The following MAST2 variants were observed in gnomAD, a reference collection of about 807,000 sequenced individuals.
MAST2 encodes the protein microtubule-associated serine/threonine-protein kinase 2.
Under a neutral mutation model 147.4 loss-of-function variants are expected in MAST2, and 70 were observed. The observed-to-expected ratio is 0.47, with a 90% CI of 0.39 to 0.58. The LOEUF (loss-of-function observed/expected upper bound fraction) is 0.58, where lower values mean the gene tolerates loss of function less well. Ranked by LOEUF, MAST2 falls within the 20% of genes least tolerant of loss-of-function variation. The pLI is 0.00. For missense variants in MAST2, 2,080 were observed against 2,302.3 expected (o/e 0.90, Z 1.98); for synonymous variants, 869 against 896.8 (o/e 0.97, Z 0.55).
At chr1:45,914,535 T>C (rs6695421) in intron 4 of MAST2, among the ~76,000 whole-genome samples, 51,698 of 152,016 alleles carry the variant, frequency 0.34, 9,204 homozygotes, top group African/African-American at 0.44. Context: ...GACCTAGAAT[T>C]CATTTCACCT....
intron 4 of MAST2, among the ~76,000 whole-genome samples, chr1:45,939,556 C>G (rs961396542): frequency 6.7e-6 from 1 of 149,800 alleles, no homozygotes. Flanking sequence ...GGGGTGGGGT[C>G]GCAGGGGACA....
intron 4 of MAST2, among the ~76,000 whole-genome samples, chr1:45,929,017 G>T (rs991926326): frequency 6.6e-6 from 1 of 152,040 alleles, no homozygotes; most frequent in African/African-American, 2.4e-5. Flanking sequence ...GGTTGAGGGG[G>T]TGGGAAGAAT....
intron 1 of MAST2, among the ~76,000 whole-genome samples, chr1:45,822,589 T>C (rs1240789289): frequency 3.3e-5 from 5 of 152,190 alleles, no homozygotes; most frequent in Admixed American, 6.5e-5. Flanking sequence ...GTAGCAGGCA[T>C]CCAAATGCTG....
intron 10 of MAST2, among the ~76,000 whole-genome samples, chr1:46,018,282 C>T (rs2149272351): frequency 6.6e-6 from 1 of 152,320 alleles, no homozygotes; most frequent in South Asian, 2.1e-4. Context: ...CAGTTGTCAT[C>T]TCTACGCTGA....
chr1:45,833,892 T>TA (rs1412803580), intron 3 of MAST2, among the ~76,000 whole-genome samples: 1 of 152,020 alleles, frequency 6.6e-6, no homozygotes, highest in Non-Finnish European at 1.5e-5. Flanking sequence ...CTGAGCTACT[T>TA]ATTTACCTAC....
At chr1:45,895,911 A>G (rs1648655736) in intron 4 of MAST2, among the ~76,000 whole-genome samples, 1 of 152,188 alleles carries the variant, frequency 6.6e-6, no homozygotes, top group African/African-American at 2.4e-5. Flanking sequence ...AAATTATTAA[A>G]ATATTTACAC....
At chr1:45,904,595 A>G (rs1256970916) in intron 4 of MAST2, among the ~76,000 whole-genome samples, 1 of 151,970 alleles carries the variant, frequency 6.6e-6, no homozygotes, top group Non-Finnish European at 1.5e-5. Flanking sequence ...CCCCCCAAGT[A>G]GCTGGGACTA....
At position 46,029,684 on chromosome 1, in the gene MAST2, C is replaced by T. The variant is rs976651008; in HGVS notation, c.2320+117C>T. On this transcript the variant is annotated intron_variant, in intron 19 of 28. Transcript: ENST00000361297. ...GGCAGCCCCTCTGGATCCTGAAACT[C>T]TGCCCTGCTCTGTAGGCAGAAAAGG... 1.5e-5 allele frequency: 20 copies of T among 1,356,050 alleles called. No individual in the cohort carries two copies. In the South Asian group the frequency reaches 2.2e-4, roughly 15 times the overall value. The allele number at this position is 1,356,050 out of a possible 1,614,324, so 84.0% of individuals were successfully genotyped here.
At chr1:45,810,810 C>CAA (rs909997197) in intron 1 of MAST2, among the ~76,000 whole-genome samples, 9 of 35,504 alleles carry the variant, frequency 2.5e-4, no homozygotes, top group Admixed American at 5.8e-4. Context: ...GACTCCATCT[C>CAA]AAAAAAAAAA....
chr1:45,928,567 CTTT>C, intron 4 of MAST2, among the ~76,000 whole-genome samples: 1 of 143,756 alleles, frequency 7.0e-6, no homozygotes, highest in South Asian at 2.2e-4. Flanking sequence ...ATCACTCTTT[CTTT>C]TTTTTTTTTT....
chr1:46,032,561 G>C, intron 25 of MAST2, 35 bp from the exon 26 acceptor site: 5 of 1,609,886 alleles, frequency 3.1e-6, no homozygotes, highest in African/African-American at 1.3e-5. Flanking sequence ...TCGTGTTCAG[G>C]CTCCAGTCTG....
At chr1:45,952,108 C>G (rs1659012331) in intron 4 of MAST2, among the ~76,000 whole-genome samples, 1 of 152,174 alleles carries the variant, frequency 6.6e-6, no homozygotes, top group African/African-American at 2.4e-5. Context: ...TATGTTCATG[C>G]AAAAACTTGT....
At chr1:45,847,419 G>T (rs1015960298) in intron 3 of MAST2, 2 of 547,692 alleles carry the variant, frequency 3.7e-6, no homozygotes, top group Non-Finnish European at 7.0e-6. Flanking sequence ...TTTTTGGGGG[G>T]GATCAAGATG....
chr1:45,929,293 G>C (rs1221098698), intron 4 of MAST2, among the ~76,000 whole-genome samples: 1 of 152,058 alleles, frequency 6.6e-6, no homozygotes, highest in Non-Finnish European at 1.5e-5. Flanking sequence ...TGAGTCTTCA[G>C]CCTAAAGCCT....
rs142024485 is a variant in MAST2 at position 45,889,686 on chromosome 1, A to G, written c.500+7291A>G. ...AGTGACGCAATCTTGGCTCACTGCA[A>G]CCTCCACCTCCTGGGTTCAAGCAAT... On this transcript the variant is annotated intron_variant, in intron 4 of 28. Coordinates refer to ENST00000361297, the MANE Select transcript of MAST2 (RefSeq NM_015112.3). Among the ~76,000 whole-genome samples the G allele has an allele frequency of 3.6e-3, 541 of 150,218 alleles. 5 individuals are homozygous for G. Among genetic ancestry groups the G allele is most frequent in the East Asian group, 0.035 (173 of 4,998 alleles).
At chr1:45,972,390 G>T (rs1239684863) in intron 5 of MAST2, among the ~76,000 whole-genome samples, 1 of 152,200 alleles carries the variant, frequency 6.6e-6, no homozygotes. Context: ...CCCAGAAGAG[G>T]GGAAAAGTTT....
In MAST2 at chr1:46,034,084, G is replaced by A. The variant is rs536251480; in HGVS notation, c.3686G>A (p.Ser1229Asn). ...CCTTATCCCCGCAGCAGAAAAAGGAGCTCCCTGTTCCGCAAGATCACCAAG... is the reference window on the plus strand; with the variant it reads ...CCTTATCCCCGCAGCAGAAAAAGGAACTCCCTGTTCCGCAAGATCACCAAG... The part of the protein sequence containing the change: ...GKDGQESRKR[S>N]SLFRKITKQA... The change falls in exon 28 of 29, where the codon AGC becomes AAC. Residue 1229 changes from serine to asparagine, a missense_variant. Ser to Asn is a conservative substitution (Grantham distance 46). This residue lies in a region of MAST2 where 1,278 missense variants were observed against 1,304.2 expected (regional missense o/e 0.98). Transcript: ENST00000361297. 4.3e-5 allele frequency: 70 copies of A among 1,613,262 alleles called. No homozygotes were observed. The highest frequency in any genetic ancestry group is 5.5e-5 in the Non-Finnish European group (65 of 1,179,598).
At chr1:45,878,203 C>CAA (rs34794896) in intron 3 of MAST2, among the ~76,000 whole-genome samples, 69 of 114,778 alleles carry the variant, frequency 6.0e-4, no homozygotes, top group African/African-American at 2.1e-3. Context: ...GGCTCTATCT[C>CAA]AAAAAAAAAA....
intron 26 of MAST2, 61 bp downstream of exon 26, chr1:46,032,779 T>C: frequency 1.3e-6 from 2 of 1,577,920 alleles, no homozygotes; most frequent in Non-Finnish European, 1.7e-6. Flanking sequence ...GAGTCTGTGA[T>C]GGCAGTTAGG....
Sources: gnomAD v4.1 joint callset for allele counts (sites outside exome capture counted in the v4.1 genomes callset) on GRCh38, gnomAD v4.1.1 for gene constraint, gnomAD v4.1.1 regional missense constraint, MANE v1.5 for transcripts, NCBI Gene and HGNC (gene_info 2026-07-23, HGNC 2026-07-21) for gene names.